Variants in STX11 observed in about 807,000 individuals in gnomAD.
The protein encoded by STX11 is syntaxin-11.
STX11 carries 21 observed loss-of-function variants against 19.9 expected under a neutral mutation model. The ratio of observed to expected loss-of-function variants is 1.06; its 90% CI spans 0.75 to 1.52. The LOEUF (loss-of-function observed/expected upper bound fraction) is 1.52. Among genes scored for constraint, STX11 ranks in the 40% most tolerant of loss-of-function variants. The pLI, the probability that STX11 is intolerant of heterozygous loss-of-function variation, is 0.00. For synonymous variants in STX11, 193 were observed against 174.4 expected, an observed-to-expected ratio of 1.11 and a Z score of -0.84; for missense variants, 438 against 405.9, an observed-to-expected ratio of 1.08 and a Z score of -0.68.
rs1326835761 is a variant in STX11 at position 144,180,467 on chromosome 6, T to C, written c.-5-6156T>C. On this transcript the variant is annotated intron_variant, in intron 1 of 1. Transcript: ENST00000367568. The surrounding 1 kb of genome is among the most constrained non-coding windows in gnomAD (Gnocchi z 5.3). ...GGGGAAGGTAATTGAATCCTGGGGA[T>C]TGGTCTTCCCTGTGCTATTCTCGTG... Among the ~76,000 whole-genome samples the C allele has an allele frequency of 6.6e-6, 1 of 152,216 alleles. No individual in the cohort carries two copies. The highest frequency in any genetic ancestry group is 2.4e-5 in the African/African-American group (1 of 41,444).
chr6:144,171,852 C>T (rs1801647179), intron 1 of STX11, among the ~76,000 whole-genome samples: 1 of 152,078 alleles, frequency 6.6e-6, no homozygotes. Flanking sequence ...TTAACTTTTA[C>T]ATACAATATG....
Position 144,187,537 on chromosome 6 carries a change from G to T in STX11, c.*46G>T. 6.2e-7 allele frequency: 1 copy of T among 1,610,588 alleles called. No homozygotes were observed. Among genetic ancestry groups the T allele is most frequent in the Non-Finnish European group, 8.5e-7 (1 of 1,179,420 alleles). Reference sequence around the variant, plus strand: ...CCGCCCATCCCAGACCATGGAGCGCGCTGGGAAGGACGCACCAAAGCCGGG... The same window carrying T: ...CCGCCCATCCCAGACCATGGAGCGCTCTGGGAAGGACGCACCAAAGCCGGG... On this transcript the variant is annotated 3_prime_UTR_variant, in exon 2 of 2. Transcript: ENST00000367568. The surrounding 1 kb of genome is among the most constrained non-coding windows in gnomAD (Gnocchi z 5.6).
the STX11 span, among the ~76,000 whole-genome samples, chr6:144,141,108 T>C: frequency 2.0e-5 from 3 of 152,252 alleles, no homozygotes; most frequent in Non-Finnish European, 2.9e-5. Context: ...AGTAACAGTC[T>C]GATCTTAAAA....
Position 144,182,855 on chromosome 6 carries a change from G to A in STX11, c.-5-3768G>A, listed in dbSNP as rs1801940714. On this transcript the variant is annotated intron_variant, in intron 1 of 1. Transcript: ENST00000367568. This position sits in a 1 kb window ranked among gnomAD's most constrained non-coding sequence, Gnocchi z 4.8. ...AGGAAGGCATCTCTCACCTATTCTTGCCTTGTTCATCAAAATGCATCCATT... is the reference window on the plus strand; with the variant it reads ...AGGAAGGCATCTCTCACCTATTCTTACCTTGTTCATCAAAATGCATCCATT... Among the ~76,000 whole-genome samples the A allele has an allele frequency of 6.6e-6, 1 of 152,172 alleles. No homozygotes were observed. The highest frequency in any genetic ancestry group is 2.1e-4 in the South Asian group (1 of 4,828).
intron 1 of STX11, among the ~76,000 whole-genome samples, chr6:144,185,745 T>A (rs553118900): frequency 6.6e-6 from 1 of 152,366 alleles, no homozygotes; most frequent in South Asian, 2.1e-4. Context: ...ACGATGCTTA[T>A]CATTAGGGAA....
rs1359839314 is a variant in STX11, at chr6:144,189,129, T to A, written c.*1638T>A. 6.6e-6 allele frequency among the ~76,000 whole-genome samples: 1 copy of A among 152,110 alleles called. No homozygotes were observed. Among genetic ancestry groups the A allele is most frequent in the African/African-American group, 2.4e-5 (1 of 41,398 alleles). On this transcript the variant is annotated 3_prime_UTR_variant, in exon 2 of 2. Coordinates refer to ENST00000367568, the MANE Select transcript of STX11 (RefSeq NM_003764.4). ...GCCTTAAACTCCCAGGCTCAAGTGA[T>A]CCTCCCACCTCAGCCTACAAATAGC...
chr6:144,148,406 C>A (rs1800917452), upstream of STX11, among the ~76,000 whole-genome samples: 1 of 152,128 alleles, frequency 6.6e-6, no homozygotes, highest in African/African-American at 2.4e-5. Context: ...TGCAATATAC[C>A]CATTTTTAAA....
Position 144,167,971 on chromosome 6 carries a change from A to G in STX11, c.-6+17268A>G, listed in dbSNP as rs1025835641. ...CACATAAGTACTTATGGTAAAAAAA[A>G]TAACATACCATTAATACAGTGAAAA... On this transcript the variant is annotated intron_variant, in intron 1 of 1. Transcript: ENST00000367568. This position sits in a 1 kb window ranked among gnomAD's most constrained non-coding sequence, Gnocchi z 5.0. 6.6e-6 allele frequency among the ~76,000 whole-genome samples: 1 copy of G among 152,230 alleles called. No homozygotes were observed. The highest frequency in any genetic ancestry group is 1.5e-5 in the Non-Finnish European group (1 of 68,044).
chr6:144,142,004 T>C, the STX11 span, among the ~76,000 whole-genome samples: 48 of 151,900 alleles, frequency 3.2e-4, no homozygotes, highest in South Asian at 3.3e-3. Flanking sequence ...TCTAACATTG[T>C]TCTTGAATTA....
Position 144,153,668 on chromosome 6 carries a change from A to T in STX11, c.-6+2965A>T, listed in dbSNP as rs118188701. Among the ~76,000 whole-genome samples, 4 of 152,320 alleles carry T rather than the reference A, an allele frequency of 2.6e-5. No individual in the cohort carries two copies. The East Asian group carries it at 7.7e-4, about 29-fold the overall frequency. On this transcript the variant is annotated intron_variant, in intron 1 of 1. Transcript: ENST00000367568. The surrounding 1 kb of genome is among the most constrained non-coding windows in gnomAD (Gnocchi z 5.0). Reference sequence around the variant, plus strand: ...AGAGTGACATTGACCCTAGGAAGACACCGTGGAAACTGTTGTCATATTGCA... The same window carrying T: ...AGAGTGACATTGACCCTAGGAAGACTCCGTGGAAACTGTTGTCATATTGCA...
At chr6:144,173,548 T>G (rs1213607664) in intron 1 of STX11, among the ~76,000 whole-genome samples, 1 of 152,232 alleles carries the variant, frequency 6.6e-6, no homozygotes, top group African/African-American at 2.4e-5. Flanking sequence ...TTTCTCTAAA[T>G]AATGCTTGCA....
Position 144,154,648 on chromosome 6 carries a change from A to G in STX11, c.-6+3945A>G, listed in dbSNP as rs766063644. 4.6e-5 allele frequency among the ~76,000 whole-genome samples: 7 copies of G among 152,236 alleles called. No individual in the cohort carries two copies. The highest frequency in any genetic ancestry group is 1.9e-4 in the East Asian group (1 of 5,204). ...AGCAGGGTCAAATGGTGGAAGAACC[A>G]CTAACAAATGCAGACAGGTACATAA... On this transcript the variant is annotated intron_variant, in intron 1 of 1. Coordinates refer to ENST00000367568, the MANE Select transcript of STX11 (RefSeq NM_003764.4). This position sits in a 1 kb window ranked among gnomAD's most constrained non-coding sequence, Gnocchi z 4.7.
Position 144,191,884 on chromosome 6 carries a change from A to C in STX11, c.*4393A>C, listed in dbSNP as rs972206862. Among the ~76,000 whole-genome samples, 2 of 152,226 alleles carry C rather than the reference A, an allele frequency of 1.3e-5. No homozygotes were observed. Among genetic ancestry groups the C allele is most frequent in the Non-Finnish European group, 2.9e-5 (2 of 68,034 alleles). On this transcript the variant is annotated 3_prime_UTR_variant, in exon 2 of 2. Coordinates refer to ENST00000367568, the MANE Select transcript of STX11 (RefSeq NM_003764.4). The stretch of plus-strand genomic sequence containing the variant: ...AAGAATGGGCAAGATGTCCTTATAT[A>C]CTAGAAGCTTTTGTAAAGTCATGTG...
intron 1 of STX11, among the ~76,000 whole-genome samples, chr6:144,171,347 C>G (rs1801625982): frequency 6.6e-6 from 1 of 152,120 alleles, no homozygotes. Context: ...CTAATTTTTG[C>G]TCTTTTTAGC....
At position 144,179,072 on chromosome 6, in the gene STX11, G is replaced by A. The variant is rs189251188; in HGVS notation, c.-5-7551G>A. On this transcript the variant is annotated intron_variant, in intron 1 of 1. Transcript: ENST00000367568. ...TGGGGAGAACTTACAATCATGGTGA[G>A]GCAATGGTGAGGCATGGTGAATGCA... Among the ~76,000 whole-genome samples, 476 of 152,254 alleles carry A rather than the reference G, an allele frequency of 3.1e-3. 3 individuals carry two copies. The highest frequency in any genetic ancestry group is 0.011 in the African/African-American group (462 of 41,540).
chr6:144,173,550 A>C (rs567604820), intron 1 of STX11, among the ~76,000 whole-genome samples: 1 of 152,238 alleles, frequency 6.6e-6, no homozygotes, highest in Admixed American at 6.5e-5. Flanking sequence ...TCTCTAAATA[A>C]TGCTTGCAAA....
Position 144,153,206 on chromosome 6 carries a change from A to G in STX11, c.-6+2503A>G, listed in dbSNP as rs1188906771. ...TCAGACAACTTTACCTTAATTTCCA[A>G]ACTTTATTCCTCCTTTGAGAGCCCT... On this transcript the variant is annotated intron_variant, in intron 1 of 1. Coordinates refer to ENST00000367568, the MANE Select transcript of STX11 (RefSeq NM_003764.4). The surrounding 1 kb of genome is among the most constrained non-coding windows in gnomAD (Gnocchi z 5.0). 2.6e-5 allele frequency among the ~76,000 whole-genome samples: 4 copies of G among 152,132 alleles called. No homozygotes were observed. The highest frequency in any genetic ancestry group is 4.4e-5 in the Non-Finnish European group (3 of 68,028).
At chr6:144,147,165 TAA>T (rs201004512), upstream of STX11, among the ~76,000 whole-genome samples, 11 of 143,334 alleles carry the variant, frequency 7.7e-5, no homozygotes, top group African/African-American at 1.8e-4. The surrounding 1 kb of genome is among the most constrained non-coding windows in gnomAD (Gnocchi z 4.2). Flanking sequence ...AGCTTCTAAT[TAA>T]AAAAAAAAAA....
rs1309673774 is a variant in STX11 at position 144,183,654 on chromosome 6, A to G, written c.-5-2969A>G. Among the ~76,000 whole-genome samples the G allele has an allele frequency of 6.6e-6, 1 of 152,228 alleles. No individual in the cohort carries two copies. Reference sequence around the variant, plus strand: ...TTAATCTAGAAAAAAAATTTAATGTACTTGCTTAGTTCAGCAGAAGCTGAG... The same window carrying G: ...TTAATCTAGAAAAAAAATTTAATGTGCTTGCTTAGTTCAGCAGAAGCTGAG... On this transcript the variant is annotated intron_variant, in intron 1 of 1. Coordinates refer to ENST00000367568, the MANE Select transcript of STX11 (RefSeq NM_003764.4). This position sits in a 1 kb window ranked among gnomAD's most constrained non-coding sequence, Gnocchi z 4.6.
Sources: allele counts gnomAD v4.1 joint callset (sites outside exome capture counted in the v4.1 genomes callset), GRCh38; gene constraint gnomAD v4.1.1; non-coding constraint Gnocchi (gnomAD v3.1); transcripts MANE v1.5; gene names NCBI Gene and HGNC (gene_info 2026-07-23, HGNC 2026-07-21).